The following EXOC3 variants were observed in gnomAD, a reference collection of about 807,000 sequenced individuals.
EXOC3 encodes the protein SEC6-like 1.
Under a neutral mutation model 73.7 loss-of-function variants are expected in EXOC3, and 21 were observed. The observed-to-expected ratio is 0.29, with a 90% CI of 0.20 to 0.41. EXOC3 has a LOEUF of 0.41. Ranked by LOEUF, EXOC3 falls within the 10% of genes least tolerant of loss-of-function variation. The pLI is 1.00. For synonymous variants in EXOC3, 410 were observed against 389.1 expected, an observed-to-expected ratio of 1.05 and a Z score of -0.63; for missense variants, 842 against 985.1, an observed-to-expected ratio of 0.85 and a Z score of 1.95.
chr5:464,260 T>A (rs1463562233), intron 9 of EXOC3, 30 bp from the exon 10 acceptor site: 2 of 1,607,012 alleles, frequency 1.2e-6, no homozygotes, highest in Non-Finnish European at 1.7e-6. Context: ...GTTGAGGTGA[T>A]GATTTCTATG....
Position 465,280 on chromosome 5 carries a change from TCGCGCAGGTC to T in EXOC3, c.1938+11_1938+20del. 1 of 1,573,142 alleles carries T rather than the reference TCGCGCAGGTC, an allele frequency of 6.4e-7. No individual in the cohort carries two copies. On this transcript the variant is annotated intron_variant, in intron 11 of 12. Transcript: ENST00000512944. ...TTCCGGAAGCTGGCGTCCGTGAGTG[TCGCGCAGGTC>T]CGGGCTGGAGAAGGCCTGTCGCTCC...
chr5:446,316 G>T lies in EXOC3; in HGVS notation c.111G>T (p.Ala37=), dbSNP rs767385035. ...TGGAGCAGTATCGCAGGAGAGAAGC[G>T]CGGAAGAAGGCCTCCGTGGAGGCCA... The part of the protein sequence containing the change: ...DKVEQYRRRE[A]RKKASVEARL... Residue 37 remains alanine, a synonymous_variant, in exon 2 of 13, where the codon GCG becomes GCT. Transcript: ENST00000512944. 1.9e-6 allele frequency: 3 copies of T among 1,612,628 alleles called. No homozygotes were observed. The highest frequency in any genetic ancestry group is 2.5e-6 in the Non-Finnish European group (3 of 1,179,194).
chr5:447,687 A>G lies in EXOC3; in HGVS notation c.299A>G (p.Lys100Arg). ...ACCATTGAGAGCCTCAAGGACGTCA[A>G]AGACGCCGTGGTGCAGCACAGCCAG... ...INTIESLKDV[K>R]DAVVQHSQLA... is the part of the protein sequence containing the mutation. Residue 100 changes from lysine to arginine, a missense_variant, in exon 3 of 13, where the codon AAA becomes AGA. Coordinates refer to ENST00000512944, the MANE Select transcript of EXOC3 (RefSeq NM_007277.5). 6.3e-7 allele frequency: 1 copy of G among 1,591,566 alleles called. No individual in the cohort carries two copies. The highest frequency in any genetic ancestry group is 1.1e-5 in the South Asian group (1 of 87,522).
chr5:454,672 G>A (rs1737752576), intron 4 of EXOC3, among the ~76,000 whole-genome samples: 1 of 152,220 alleles, frequency 6.6e-6, no homozygotes, highest in Non-Finnish European at 1.5e-5. Flanking sequence ...TTAATTTGAA[G>A]TAGTGTTGAA....
chr5:443,865 C>T (rs1241526004), intron 1 of EXOC3, among the ~76,000 whole-genome samples: 1 of 151,868 alleles, frequency 6.6e-6, no homozygotes, highest in Non-Finnish European at 1.5e-5. Flanking sequence ...GACCAGGTGT[C>T]CCTCGTCGGA....
At chr5:452,336 C>A (rs1242660350) in intron 3 of EXOC3, among the ~76,000 whole-genome samples, 1 of 152,114 alleles carries the variant, frequency 6.6e-6, no homozygotes, top group Non-Finnish European at 1.5e-5. Flanking sequence ...GTGAATTTTT[C>A]ATTTCATTTA....
chr5:465,242 G>A lies in EXOC3; in HGVS notation c.1908G>A (p.Gln636=), dbSNP rs954142642. Residue 636 remains glutamine (Q), a synonymous_variant, in exon 11 of 13, where the codon CAG becomes CAA. Coordinates refer to ENST00000512944, the MANE Select transcript of EXOC3 (RefSeq NM_007277.5). ...AGAAGATGGTTAGGGAGGCAGAGCA[G>A]CTGCGCTTCCTGTTCCGGAAGCTGG... ...GAEKMVREAE[Q]LRFLFRKLAS... 12 of 1,590,914 alleles carry A rather than the reference G, an allele frequency of 7.5e-6. No homozygotes were observed. The highest frequency in any genetic ancestry group is 1.1e-5 in the South Asian group (1 of 87,324).
At chr5:459,817 G>A (rs1737931334) in intron 7 of EXOC3, among the ~76,000 whole-genome samples, 1 of 152,226 alleles carries the variant, frequency 6.6e-6, no homozygotes, top group Non-Finnish European at 1.5e-5. Context: ...AGTGGGGAGG[G>A]CGTCCTCGGC....
At chr5:463,648 CTATTGGAGTTTTAATTTGTATACTTT>C (rs1349592907) in intron 9 of EXOC3, among the ~76,000 whole-genome samples, 47 of 152,196 alleles carry the variant, frequency 3.1e-4, no homozygotes, top group African/African-American at 1.0e-3. Context: ...TTGTACACTT[CTATTGGAGTTTTAATTTGTATACTTT>C]TATTGGAGTT....
intron 3 of EXOC3, among the ~76,000 whole-genome samples, chr5:452,667 A>G (rs1425716191): frequency 1.3e-5 from 2 of 152,168 alleles, no homozygotes; most frequent in Non-Finnish European, 2.9e-5. Context: ...CAGGTTGATG[A>G]TTCTTGTTTT....
At chr5:461,909 C>T in intron 7 of EXOC3, 51 bp from the exon 8 acceptor site, 1 of 1,337,976 alleles carries the variant, frequency 7.5e-7, no homozygotes, top group Non-Finnish European at 1.0e-6. Context: ...GCATTTGAAA[C>T]AGCTCCATGT....
intron 12 of EXOC3, 114 bp downstream of exon 12, chr5:465,959 C>G (rs1438018731): frequency 1.7e-5 from 22 of 1,270,614 alleles, no homozygotes; most frequent in Non-Finnish European, 2.3e-5. Flanking sequence ...CCCTGCAGCA[C>G]GGCAAGGGTT....
Position 458,032 on chromosome 5 carries a change from C to T in EXOC3, c.1290+7C>T, listed in dbSNP as rs780909465. ...CCCTGCCATTGTCTTCCAGGTACCA[C>T]CTGCAGGGGACTGGCACAGTTCCGT... On this transcript the variant is annotated splice_region_variant and intron_variant, in intron 6 of 12. Coordinates refer to ENST00000512944, the MANE Select transcript of EXOC3 (RefSeq NM_007277.5). 1.9e-6 allele frequency: 3 copies of T among 1,611,730 alleles called. No individual in the cohort carries two copies. Among genetic ancestry groups the T allele is most frequent in the Non-Finnish European group, 1.7e-6 (2 of 1,178,856 alleles).
chr5:462,040 T>C lies in EXOC3; in HGVS notation c.1472T>C (p.Ile491Thr), dbSNP rs755045310. 1 of 1,609,866 alleles carries C rather than the reference T, an allele frequency of 6.2e-7. No homozygotes were observed. The highest frequency in any genetic ancestry group is 8.5e-7 in the Non-Finnish European group (1 of 1,177,948). Reference sequence around the variant, plus strand: ...CCTCACTGCTACGTTCAGTACATGATCGCCATCATCAACAACTGCCAGACC... The same window carrying C: ...CCTCACTGCTACGTTCAGTACATGACCGCCATCATCAACAACTGCCAGACC... ...QHPHCYVQYM[I>T]AIINNCQTFK... is the part of the protein sequence containing the mutation. The change falls in exon 8 of 13, where the codon ATC becomes ACC. Residue 491 changes from isoleucine (I) to threonine (T), a missense_variant. By Grantham distance (89) the Ile-to-Thr change is moderately conservative (BLOSUM62 -1). Coordinates refer to ENST00000512944, the MANE Select transcript of EXOC3 (RefSeq NM_007277.5).
At position 466,348 on chromosome 5, in the gene EXOC3, C is replaced by T. The variant is rs550965398; in HGVS notation, c.2067-379C>T. On this transcript the variant is annotated intron_variant, in intron 12 of 12. Coordinates refer to ENST00000512944, the MANE Select transcript of EXOC3 (RefSeq NM_007277.5). ...CCAGGCCCCAGGCCAGCCTTTGCGG[C>T]CCCTGTCTCAGGGCACCTGCCACTT... 1.1e-4 allele frequency: 30 copies of T among 261,868 alleles called. 1 individual carries two copies. The South Asian group carries it at 2.2e-3, about 19-fold the overall frequency. The allele number at this position is 261,868 out of a possible 1,614,324, so 16.2% of individuals were successfully genotyped here. A position where few individuals can be genotyped will look rare whatever the true frequency, so the allele number is the denominator to read the frequency against.
At chr5:451,793 G>A (rs150248445) in intron 3 of EXOC3, among the ~76,000 whole-genome samples, 69 of 152,234 alleles carry the variant, frequency 4.5e-4, no homozygotes, top group Middle Eastern at 3.4e-3. Context: ...TCTTAATATC[G>A]CTCTCACTTT....
rs1738130794 is a variant in EXOC3 at position 465,813 on chromosome 5, C to T, written c.2034C>T (p.Val678=). ...ACCCTTCTCTGCTCTACCTGGAGGT[C>T]TCCACTCTGGTCAGCAAGTATCCAG... is the stretch of plus-strand genomic sequence containing the variant. ...LTDPSLLYLE[V]STLVSKYPDI... Residue 678 remains valine, a synonymous_variant, in exon 12 of 13, where the codon GTC becomes GTT. Coordinates refer to ENST00000512944, the MANE Select transcript of EXOC3 (RefSeq NM_007277.5). 1 of 1,612,746 alleles carries T rather than the reference C, an allele frequency of 6.2e-7. No homozygotes were observed. The highest frequency in any genetic ancestry group is 8.5e-7 in the Non-Finnish European group (1 of 1,179,398).
intron 7 of EXOC3, 76 bp from the exon 8 acceptor site, chr5:461,884 C>T (rs905254518): frequency 1.9e-5 from 19 of 980,672 alleles, no homozygotes; most frequent in East Asian, 5.3e-5. Flanking sequence ...TCAGGCCAGG[C>T]GTGACGTCAG....
intron 7 of EXOC3, among the ~76,000 whole-genome samples, chr5:460,190 G>A (rs1737944076): frequency 6.6e-6 from 1 of 152,224 alleles, no homozygotes; most frequent in African/African-American, 2.4e-5. Flanking sequence ...TGTGTCTTTT[G>A]ATAGTTGTGA....
Sources: gnomAD v4.1 joint callset for allele counts (sites outside exome capture counted in the v4.1 genomes callset) on GRCh38, gnomAD v4.1.1 for gene constraint, MANE v1.5 for transcripts, NCBI Gene and HGNC (gene_info 2026-07-23, HGNC 2026-07-21) for gene names.